PI15: variants seen among roughly 807,000 people sequenced by gnomAD.
PI15 encodes 25 kDa trypsin inhibitor.
In PI15, 18 loss-of-function variants were observed where a neutral mutation model predicts 31.0. That is an observed-to-expected ratio of 0.58 (90% CI 0.40 to 0.86). The LOEUF is 0.86. PI15 is among the 40% of genes least tolerant of loss of function. The pLI is 0.00. For missense variants in PI15, 282 were observed against 328.1 expected (o/e 0.86, Z 1.09); for synonymous variants, 118 against 119.1 (o/e 0.99, Z 0.06).
At chr8:74,844,550 CAT>C (rs1255862517) in intron 3 of PI15, among the ~76,000 whole-genome samples, 2 of 151,478 alleles carry the variant, frequency 1.3e-5, no homozygotes, top group African/African-American at 4.9e-5. Context: ...TAGGCATTTA[CAT>C]ATGTTTATAC....
chr8:74,826,915 C>G (rs1272067446), intron 2 of PI15, among the ~76,000 whole-genome samples: 3 of 151,980 alleles, frequency 2.0e-5, no homozygotes, highest in Non-Finnish European at 4.4e-5. Flanking sequence ...AAAACTCATT[C>G]AAGATCTAAA....
At chr8:74,843,244 T>A (rs1244667583) in intron 2 of PI15, among the ~76,000 whole-genome samples, 1 of 152,222 alleles carries the variant, frequency 6.6e-6, no homozygotes, top group Non-Finnish European at 1.5e-5. Flanking sequence ...TGTCCCCAAG[T>A]TACAACTAGT....
At chr8:74,848,952 G>A (rs1811064895) in intron 5 of PI15, among the ~76,000 whole-genome samples, 166 bp from the exon 6 acceptor site, 2 of 151,996 alleles carry the variant, frequency 1.3e-5, no homozygotes, top group Admixed American at 6.6e-5. Context: ...TACAGAATAA[G>A]TTACTATTGA....
intron 2 of PI15, among the ~76,000 whole-genome samples, chr8:74,832,799 C>G (rs1432034325): frequency 5.3e-5 from 8 of 151,952 alleles, no homozygotes; most frequent in Admixed American, 5.2e-4. Flanking sequence ...TTTCTTAACA[C>G]AAATATGGAA....
chr8:74,831,620 C>G (rs1353686521), intron 2 of PI15, among the ~76,000 whole-genome samples: 1 of 152,022 alleles, frequency 6.6e-6, no homozygotes, highest in Non-Finnish European at 1.5e-5. Context: ...GTACTGTGAA[C>G]AGACAAGTCA....
intron 2 of PI15, among the ~76,000 whole-genome samples, chr8:74,830,419 T>G (rs1810764869): frequency 1.3e-5 from 2 of 152,096 alleles, no homozygotes; most frequent in Non-Finnish European, 2.9e-5. Context: ...CTATCATTTT[T>G]GGAAAAAAGA....
In PI15 at chr8:74,845,360, G is replaced by T. The variant is rs749233339; in HGVS notation, c.526-22G>T. 5 of 1,595,884 alleles carry T rather than the reference G, an allele frequency of 3.1e-6. No individual in the cohort carries two copies. In the East Asian group the frequency reaches 1.1e-4, roughly 36 times the overall value. On this transcript the variant is annotated intron_variant, in intron 4 of 5. Coordinates refer to ENST00000260113, the MANE Select transcript of PI15 (RefSeq NM_015886.5). Reference sequence around the variant, plus strand: ...TGTCTTAGCTCTGACTTCTGTAACAGTTTATTGGTTTATTTTCACAGATGG... The same window carrying T: ...TGTCTTAGCTCTGACTTCTGTAACATTTTATTGGTTTATTTTCACAGATGG...
At chr8:74,847,902 A>G (rs1316938963) in intron 5 of PI15, among the ~76,000 whole-genome samples, 2 of 152,116 alleles carry the variant, frequency 1.3e-5, no homozygotes, top group Non-Finnish European at 2.9e-5. Flanking sequence ...TACCACCGAT[A>G]ACCAAATTTT....
At chr8:74,841,891 A>G (rs1178226797) in intron 2 of PI15, among the ~76,000 whole-genome samples, 6 of 152,196 alleles carry the variant, frequency 3.9e-5, no homozygotes, top group African/African-American at 1.2e-4. Flanking sequence ...ATTTTGTGCA[A>G]TCCTAGGTCA....
chr8:74,838,020 C>T (rs933091870), intron 2 of PI15, among the ~76,000 whole-genome samples: 3 of 152,066 alleles, frequency 2.0e-5, no homozygotes, highest in Middle Eastern at 3.4e-3. Flanking sequence ...TGGACAATCA[C>T]ATTTATTTAA....
rs556130804 is a variant in PI15 at position 74,846,913 on chromosome 8, G to A, written c.641+1416G>A. 6.6e-5 allele frequency among the ~76,000 whole-genome samples: 10 copies of A among 152,136 alleles called. No individual in the cohort carries two copies. In the South Asian group the frequency reaches 2.1e-3, roughly 32 times the overall value. ...AAATAAAAGAATGAATAGTATAAGT[G>A]TATAAATTGGCTGATTCACTGTTTT... On this transcript the variant is annotated intron_variant, in intron 5 of 5. Transcript: ENST00000260113.
intron 2 of PI15, among the ~76,000 whole-genome samples, 195 bp from the exon 3 acceptor site, chr8:74,843,786 C>T (rs1810979639): frequency 6.6e-6 from 1 of 152,038 alleles, no homozygotes; most frequent in African/African-American, 2.4e-5. Flanking sequence ...ATTGCTTGAC[C>T]CCGGGGAGGC....
At chr8:74,832,257 G>C (rs1810793371) in intron 2 of PI15, among the ~76,000 whole-genome samples, 1 of 152,136 alleles carries the variant, frequency 6.6e-6, no homozygotes, top group Non-Finnish European at 1.5e-5. Context: ...CTCTGAGTTA[G>C]AGAACACAAA....
Position 74,852,276 on chromosome 8 carries a change from A to G in PI15, c.*3023A>G, listed in dbSNP as rs930215392. On this transcript the variant is annotated 3_prime_UTR_variant, in exon 6 of 6. Coordinates refer to ENST00000260113, the MANE Select transcript of PI15 (RefSeq NM_015886.5). ...GTAGAAAAATTTTAATATTCTCACA[A>G]TATAGGTTTTGGGGCTTCCATATCA... 6.6e-6 allele frequency: 1 copy of G among 152,110 alleles called. No individual in the cohort carries two copies. Among genetic ancestry groups the G allele is most frequent in the African/African-American group, 2.4e-5 (1 of 41,444 alleles). The allele number at this position is 152,110 out of a possible 1,614,324, so 9.4% of individuals were successfully genotyped here. A position where few individuals can be genotyped will look rare whatever the true frequency, so the allele number is the denominator to read the frequency against.
chr8:74,845,823 A>C (rs1811017841), intron 5 of PI15: 1 of 204,834 alleles, frequency 4.9e-6, no homozygotes, highest in Admixed American at 5.2e-5. Flanking sequence ...AAAATAAATC[A>C]AGAAAGAATC....
chr8:74,832,238 A>G (rs553690071), intron 2 of PI15, among the ~76,000 whole-genome samples: 245 of 152,302 alleles, frequency 1.6e-3, no homozygotes, highest in Admixed American at 2.9e-3. Context: ...GACAAGGACA[A>G]TTAAGTTTCT....
In PI15 at chr8:74,853,140, C is replaced by T. The variant is rs1189861225; in HGVS notation, c.*3887C>T. The T allele has an allele frequency of 6.6e-6, 1 of 152,556 alleles. No homozygotes were observed. The highest frequency in any genetic ancestry group is 2.4e-5 in the African/African-American group (1 of 41,446). 9.5% of individuals were successfully genotyped at this position (152,556 alleles called of 1,614,324 possible). ...AAAACTTAGAAGGTTTAACACTTCACTGATTAATGGTGCTGAAAACACGTT... is the reference window on the plus strand; with the variant it reads ...AAAACTTAGAAGGTTTAACACTTCATTGATTAATGGTGCTGAAAACACGTT... On this transcript the variant is annotated 3_prime_UTR_variant, in exon 6 of 6. Transcript: ENST00000260113.
chr8:74,845,237 C>T lies in PI15; in HGVS notation c.502C>T (p.Pro168Ser), dbSNP rs1048726765. The change falls in exon 4 of 6, where the codon CCC becomes TCC. Residue 168 changes from proline (P) to serine (S), a missense_variant. Pro to Ser is a moderately conservative substitution (Grantham distance 74). Transcript: ENST00000260113. ...CAGATGTCCTATGAGATGTTTTGGT[C>T]CCATGTGCACACATTATACGCAGGT... ...NPRCPMRCFG[P>S]MCTHYTQMVW... is the part of the protein sequence containing the mutation. 5.6e-6 allele frequency: 9 copies of T among 1,613,314 alleles called. No homozygotes were observed. Among genetic ancestry groups the T allele is most frequent in the Admixed American group, 5.0e-5 (3 of 59,992 alleles).
intron 2 of PI15, among the ~76,000 whole-genome samples, chr8:74,834,342 A>G (rs1010364500): frequency 6.6e-6 from 1 of 152,150 alleles, no homozygotes; most frequent in Non-Finnish European, 1.5e-5. Flanking sequence ...TATTATTTAT[A>G]CCCTTGGAAA....
Sources: gnomAD v4.1 joint callset for allele counts (sites outside exome capture counted in the v4.1 genomes callset) on GRCh38, gnomAD v4.1.1 for gene constraint, MANE v1.5 for transcripts, NCBI Gene and HGNC (gene_info 2026-07-23, HGNC 2026-07-21) for gene names.